EPS8: variants seen among roughly 807,000 people sequenced by gnomAD.
EPS8 encodes epidermal growth factor receptor kinase substrate 8.
Under a neutral mutation model 103.8 loss-of-function variants are expected in EPS8, and 42 were observed. The ratio of observed to expected loss-of-function variants is 0.40; its 90% CI spans 0.32 to 0.52. EPS8 has a LOEUF of 0.52. Ranked by LOEUF, EPS8 falls within the 20% of genes least tolerant of loss-of-function variation. The pLI is 0.40. For missense variants in EPS8, 969 were observed against 1,005.1 expected (o/e 0.96, Z 0.49); for synonymous variants, 344 against 344.6 (o/e 1.00, Z 0.02).
At chr12:15,623,501 G>A (rs1224862588) in intron 19 of EPS8, among the ~76,000 whole-genome samples, 1 of 152,064 alleles carries the variant, frequency 6.6e-6, no homozygotes, top group Non-Finnish European at 1.5e-5. Context: ...TAATTACAAA[G>A]TATCAAAAAT....
intron 15 of EPS8, among the ~76,000 whole-genome samples, chr12:15,642,663 TC>T (rs1945252746): frequency 2.6e-5 from 4 of 152,178 alleles, no homozygotes; most frequent in Admixed American, 2.6e-4. Flanking sequence ...AGTCTTCTCC[TC>T]CATTTACATT....
chr12:15,650,993 T>C lies in EPS8; in HGVS notation c.1264A>G (p.Lys422Glu), dbSNP rs200554044. The C allele has an allele frequency of 6.2e-7, 1 of 1,613,688 alleles. No homozygotes were observed. The highest frequency in any genetic ancestry group is 8.5e-7 in the Non-Finnish European group (1 of 1,179,856). Residue 422 changes from lysine (K) to glutamate (E), a missense_variant, in exon 14 of 21, where the codon AAA becomes GAA. Lys to Glu is a moderately conservative substitution (Grantham distance 56). Coordinates refer to ENST00000281172, the MANE Select transcript of EPS8 (RefSeq NM_004447.6). ...TWMKARAEWP[K>E]EQFIPPYVPR... ...ACATATGGTGGAATAAACTGTTCTT[T>C]TGGCCACTCTGCTCTGCAGGAGGGA... is the stretch of plus-strand genomic sequence containing the variant.
At chr12:15,622,003 C>T (rs777719935) in intron 20 of EPS8, among the ~76,000 whole-genome samples, 7 of 152,108 alleles carry the variant, frequency 4.6e-5, no homozygotes, top group Non-Finnish European at 7.4e-5. Context: ...ACATGAAGAA[C>T]CTCAGGTAGT....
intron 3 of EPS8, chr12:15,672,473 T>C: frequency 2.5e-6 from 1 of 398,590 alleles, no homozygotes; most frequent in Non-Finnish European, 4.4e-6. Context: ...TTTGTTTGGA[T>C]GATGACCTGA....
chr12:15,788,560 A>G (rs750432180), intron 1 of EPS8, among the ~76,000 whole-genome samples: 12 of 152,246 alleles, frequency 7.9e-5, no homozygotes, highest in Non-Finnish European at 1.2e-4. Flanking sequence ...ACTGACCACA[A>G]CCGGAGAAAG....
At chr12:15,715,690 T>G (rs1303639305) in intron 1 of EPS8, among the ~76,000 whole-genome samples, 2 of 151,966 alleles carry the variant, frequency 1.3e-5, no homozygotes, top group African/African-American at 4.8e-5. Context: ...GGTTTCACCA[T>G]GTTGACCAGG....
intron 1 of EPS8, among the ~76,000 whole-genome samples, chr12:15,744,047 A>G (rs1184381145): frequency 6.6e-6 from 1 of 152,204 alleles, no homozygotes; most frequent in East Asian, 1.9e-4. Context: ...TCTACAAAGA[A>G]CTTAAACAAA....
At position 15,696,482 on chromosome 12, in the gene EPS8, A is replaced by G. The variant is rs1306092802; in HGVS notation, c.-21-13510T>C. ...TCGTGAAACCCCATTTTTACTAAAA[A>G]TACAAAAAATTAGCTGGGCATGATG... On this transcript the variant is annotated intron_variant, in intron 1 of 20. Coordinates refer to ENST00000281172, the MANE Select transcript of EPS8 (RefSeq NM_004447.6). The surrounding 1 kb of genome is among the most constrained non-coding windows in gnomAD (Gnocchi z 4.8). 1.3e-5 allele frequency among the ~76,000 whole-genome samples: 2 copies of G among 152,084 alleles called. No individual in the cohort carries two copies. The highest frequency in any genetic ancestry group is 2.1e-4 in the South Asian group (1 of 4,826).
At chr12:15,719,450 GGAGT>G (rs949108791) in intron 1 of EPS8, among the ~76,000 whole-genome samples, 1 of 152,128 alleles carries the variant, frequency 6.6e-6, no homozygotes, top group African/African-American at 2.4e-5. Context: ...CCAATAAATA[GGAGT>G]GATAGAAAGG....
At chr12:15,715,394 C>CTTTTTTTTTTTTTTTT (rs3086457) in intron 1 of EPS8, among the ~76,000 whole-genome samples, 1 of 127,186 alleles carries the variant, frequency 7.9e-6, no homozygotes, top group African/African-American at 3.0e-5. Context: ...CTTTACTTTT[C>CTTTTTTTTTTTTTTTT]TTTTTTTTTT....
At position 15,623,301 on chromosome 12, in the gene EPS8, A is replaced by G; in HGVS notation, c.2226-14T>C. On this transcript the variant is annotated splice_polypyrimidine_tract_variant and intron_variant, in intron 19 of 20. Coordinates refer to ENST00000281172, the MANE Select transcript of EPS8 (RefSeq NM_004447.6). ...CTATTGACAGTCCTAAAAAAAAAAA[A>G]AGGAAAAAGAAACTGAGCATTAAAA... is the stretch of plus-strand genomic sequence containing the variant. 6.4e-7 allele frequency: 1 copy of G among 1,572,566 alleles called. No individual in the cohort carries two copies. The highest frequency in any genetic ancestry group is 1.2e-5 in the South Asian group (1 of 84,418).
At chr12:15,631,307 A>C in intron 18 of EPS8, 135 bp downstream of exon 18, 16 of 1,276,620 alleles carry the variant, frequency 1.3e-5, no homozygotes, top group Non-Finnish European at 1.7e-5. Flanking sequence ...AAACCAGGTG[A>C]AAATCTTTGC....
At chr12:15,763,654 A>G (rs999560395) in intron 1 of EPS8, among the ~76,000 whole-genome samples, 1 of 152,154 alleles carries the variant, frequency 6.6e-6, no homozygotes, top group Non-Finnish European at 1.5e-5. Flanking sequence ...ATAAAATTAG[A>G]AAAAAACTAA....
At chr12:15,746,142 C>T (rs868791424) in intron 1 of EPS8, among the ~76,000 whole-genome samples, 5 of 152,140 alleles carry the variant, frequency 3.3e-5, no homozygotes, top group Non-Finnish European at 5.9e-5. Context: ...TAATAGAGAA[C>T]TAATTTTTCC....
chr12:15,765,803 G>T (rs961172584), intron 1 of EPS8, among the ~76,000 whole-genome samples: 283 of 139,880 alleles, frequency 2.0e-3, no homozygotes, highest in African/African-American at 7.1e-3. Context: ...GAGAAAAGTG[G>T]TTTTTTTTTT....
rs143628252 is a variant in EPS8 at position 15,722,366 on chromosome 12, G to C, written c.-21-39394C>G. Among the ~76,000 whole-genome samples, 411 of 152,018 alleles carry C rather than the reference G, an allele frequency of 2.7e-3. 4 individuals are homozygous for C. The highest frequency in any genetic ancestry group is 8.3e-3 in the African/African-American group (346 of 41,456). Reference sequence around the variant, plus strand: ...TGTAACTAATCTTTCCTTGAGCCTTGAGTAGTACATTGCTAATATTTATCA... The same window carrying C: ...TGTAACTAATCTTTCCTTGAGCCTTCAGTAGTACATTGCTAATATTTATCA... On this transcript the variant is annotated intron_variant, in intron 1 of 20. Transcript: ENST00000281172.
intron 1 of EPS8, among the ~76,000 whole-genome samples, chr12:15,740,284 C>T (rs377356008): frequency 5.5e-4 from 83 of 152,244 alleles, no homozygotes; most frequent in Non-Finnish European, 1.1e-3. Context: ...CGGTGGCTCA[C>T]GCCTGTAATC....
chr12:15,718,103 G>C (rs1025859751), intron 1 of EPS8, among the ~76,000 whole-genome samples: 1 of 152,180 alleles, frequency 6.6e-6, no homozygotes, highest in Non-Finnish European at 1.5e-5. Context: ...TGTGCACCAA[G>C]TCTGCCACTT....
Position 15,697,199 on chromosome 12 carries a change from A to G in EPS8, c.-21-14227T>C, listed in dbSNP as rs1946254796. On this transcript the variant is annotated intron_variant, in intron 1 of 20. Transcript: ENST00000281172. The surrounding 1 kb of genome is among the most constrained non-coding windows in gnomAD (Gnocchi z 5.6). ...AGGGAAAACTTGAGGGACAAGCACAAACTGATTAAAATGTCTAAATAACCC... is the reference window on the plus strand; with the variant it reads ...AGGGAAAACTTGAGGGACAAGCACAGACTGATTAAAATGTCTAAATAACCC... 6.6e-6 allele frequency among the ~76,000 whole-genome samples: 1 copy of G among 152,206 alleles called. No homozygotes were observed. The highest frequency in any genetic ancestry group is 1.5e-5 in the Non-Finnish European group (1 of 68,040).
Sources: allele counts gnomAD v4.1 joint callset (sites outside exome capture counted in the v4.1 genomes callset), GRCh38; gene constraint gnomAD v4.1.1; non-coding constraint Gnocchi (gnomAD v3.1); transcripts MANE v1.5; gene names NCBI Gene and HGNC (gene_info 2026-07-23, HGNC 2026-07-21).